HPS3: variants seen among roughly 807,000 people sequenced by gnomAD.
The protein encoded by HPS3 is BLOC-2 complex member HPS3.
In HPS3, 79 loss-of-function variants were observed where a neutral mutation model predicts 110.9. That is an observed-to-expected ratio of 0.71 (90% CI 0.59 to 0.86). The LOEUF (loss-of-function observed/expected upper bound fraction) is 0.86. Among genes scored for constraint, HPS3 ranks in the 40% least tolerant of loss-of-function variants. The pLI is 0.00. For missense variants in HPS3, 1,197 were observed against 1,206.2 expected (o/e 0.99, Z 0.11); for synonymous variants, 428 against 451.0 (o/e 0.95, Z 0.65).
intron 1 of HPS3, among the ~76,000 whole-genome samples, chr3:149,137,991 TA>T (rs999415323): frequency 2.2e-3 from 329 of 151,648 alleles, no homozygotes; most frequent in African/African-American, 7.7e-3. Flanking sequence ...CGTACTACAA[TA>T]AAAAAAATTT....
intron 11 of HPS3, among the ~76,000 whole-genome samples, chr3:149,161,508 CTTTT>C (rs1203449055): frequency 1.9e-5 from 2 of 104,328 alleles, no homozygotes; most frequent in Admixed American, 1.1e-4. Context: ...CCCCCACACC[CTTTT>C]TTTTTTTTTT....
At chr3:149,162,423 T>C (rs1309702821) in intron 12 of HPS3, 90 bp downstream of exon 12, 2 of 1,244,592 alleles carry the variant, frequency 1.6e-6, no homozygotes, top group Non-Finnish European at 2.3e-6. Flanking sequence ...GTTTTTCATT[T>C]GTTTGTTTAT....
chr3:149,170,573 G>A (rs372311104), intron 16 of HPS3: 2 of 152,256 alleles, frequency 1.3e-5, no homozygotes, highest in East Asian at 1.9e-4. Context: ...AAAGCCACTC[G>A]GTGAGTTGGT....
intron 1 of HPS3, among the ~76,000 whole-genome samples, chr3:149,139,268 A>G (rs572141579): frequency 6.6e-6 from 1 of 152,342 alleles, no homozygotes; most frequent in African/African-American, 2.4e-5. Context: ...AGATTGTTAA[A>G]TATATTTAAT....
At chr3:149,162,909 A>G (rs375727483) in intron 13 of HPS3, 31 bp downstream of exon 13, 8 of 1,533,700 alleles carry the variant, frequency 5.2e-6, no homozygotes, top group Non-Finnish European at 5.4e-6. Context: ...CTTAAATTTA[A>G]CTCATGCATT....
rs761789135 is a variant in HPS3, at chr3:149,162,297, C to T, written c.2256C>T (p.Asn752=). 4 of 1,613,878 alleles carry T rather than the reference C, an allele frequency of 2.5e-6. 1 individual carries two copies. The South Asian group carries it at 3.3e-5, about 13-fold the overall frequency. ...CAGTTCTGGGCTTGCAGAAGAACAACAAAATTGGAATTGAAGAAGCAGATT... is the reference window on the plus strand; with the variant it reads ...CAGTTCTGGGCTTGCAGAAGAACAATAAAATTGGAATTGAAGAAGCAGATT... ...VASVLGLQKN[N]KIGIEEADSF... Residue 752 remains asparagine (N), a synonymous_variant, in exon 12 of 17, where the codon AAC becomes AAT. Coordinates refer to ENST00000296051, the MANE Select transcript of HPS3 (RefSeq NM_032383.5).
intron 14 of HPS3, among the ~76,000 whole-genome samples, chr3:149,164,755 C>A (rs1724236690): frequency 6.6e-6 from 1 of 152,192 alleles, no homozygotes; most frequent in South Asian, 2.1e-4. Flanking sequence ...CGCAGCCCCT[C>A]CTTGGGCAGT....
At position 149,139,903 on chromosome 3, in the gene HPS3, C is replaced by T. The variant is rs114511587; in HGVS notation, c.218-101C>T. 11,491 of 1,115,348 alleles carry T rather than the reference C, an allele frequency of 0.01. 161 individuals are homozygous for T. The highest frequency in any genetic ancestry group is 0.057 in the African/African-American group (3,625 of 64,048). The allele number at this position is 1,115,348 out of a possible 1,614,324, so 69.1% of individuals were successfully genotyped here. ...GTTTTATTCTATTCAGTCTTTAATT[C>T]GACCATTTGTGTTAGAATTCATTAA... On this transcript the variant is annotated intron_variant, in intron 1 of 16. Transcript: ENST00000296051.
In HPS3 at chr3:149,141,460, G is replaced by T. The variant is rs1576667541; in HGVS notation, c.970+80G>T. 4 of 1,140,144 alleles carry T rather than the reference G, an allele frequency of 3.5e-6. No individual in the cohort carries two copies. The East Asian group carries it at 9.4e-5, about 27-fold the overall frequency. 70.6% of individuals were successfully genotyped at this position (1,140,144 alleles called of 1,614,324 possible). On this transcript the variant is annotated intron_variant, in intron 4 of 16. Transcript: ENST00000296051. ...TGGGCTGGGAGTGAAGACCCATGTG[G>T]GTAATAGGTTTGGTGGTTTGGTTCT... is the stretch of plus-strand genomic sequence containing the variant.
intron 4 of HPS3, among the ~76,000 whole-genome samples, chr3:149,145,069 C>T (rs11711029): frequency 1.3e-5 from 2 of 151,834 alleles, no homozygotes; most frequent in Admixed American, 6.6e-5. Flanking sequence ...ATTTTGAAAC[C>T]CAAGTAGTGT....
chr3:149,155,485 C>T (rs1232448738), intron 8 of HPS3, among the ~76,000 whole-genome samples: 1 of 152,116 alleles, frequency 6.6e-6, no homozygotes, highest in African/African-American at 2.4e-5. Flanking sequence ...TGAACATAGT[C>T]TTTGACCTTA....
chr3:149,129,865 G>C lies in HPS3; in HGVS notation c.142G>C (p.Gly48Arg), dbSNP rs748116102. 12 of 1,598,266 alleles carry C rather than the reference G, an allele frequency of 7.5e-6. No individual in the cohort carries two copies. Among genetic ancestry groups the C allele is most frequent in the Non-Finnish European group, 1.0e-5 (12 of 1,177,090 alleles). ...GCKVEAFAVA[G>R]QELCQPRCAF... is the part of the protein sequence containing the mutation. Reference sequence around the variant, plus strand: ...CAAGGTGGAGGCGTTCGCGGTGGCCGGCCAGGAGCTGTGCCAGCCGCGGTG... The same window carrying C: ...CAAGGTGGAGGCGTTCGCGGTGGCCCGCCAGGAGCTGTGCCAGCCGCGGTG... Residue 48 changes from glycine (G) to arginine (R), a missense_variant, in exon 1 of 17, where the codon GGC becomes CGC. Coordinates refer to ENST00000296051, the MANE Select transcript of HPS3 (RefSeq NM_032383.5).
chr3:149,131,478 G>A (rs1721776541), intron 1 of HPS3, among the ~76,000 whole-genome samples: 1 of 152,100 alleles, frequency 6.6e-6, no homozygotes, highest in Admixed American at 6.5e-5. Flanking sequence ...ATCTATTACG[G>A]TGATCAGCAA....
chr3:149,151,947 T>C (rs1723156553), intron 6 of HPS3, among the ~76,000 whole-genome samples: 1 of 152,210 alleles, frequency 6.6e-6, no homozygotes, highest in African/African-American at 2.4e-5. Context: ...TGAGATACTC[T>C]TTCACGGTCA....
At chr3:149,146,872 A>G (rs1382086980) in intron 5 of HPS3, among the ~76,000 whole-genome samples, 1 of 152,236 alleles carries the variant, frequency 6.6e-6, no homozygotes, top group Non-Finnish European at 1.5e-5. Flanking sequence ...TGAAAATTAA[A>G]CTAAGGACTT....
rs758702255 is a variant in HPS3, at chr3:149,140,590, C to T, written c.712+92C>T. Reference sequence around the variant, plus strand: ...GAAGGTCTGTGGTATATATGGTGCCCGGCCATGTTATTTATAGATTTAGTT... The same window carrying T: ...GAAGGTCTGTGGTATATATGGTGCCTGGCCATGTTATTTATAGATTTAGTT... On this transcript the variant is annotated intron_variant, in intron 2 of 16. Coordinates refer to ENST00000296051, the MANE Select transcript of HPS3 (RefSeq NM_032383.5). The T allele has an allele frequency of 2.6e-5, 35 of 1,341,724 alleles. No homozygotes were observed. The Middle Eastern group carries it at 7.3e-4, about 28-fold the overall frequency. The allele number at this position is 1,341,724 out of a possible 1,614,324, so 83.1% of individuals were successfully genotyped here.
At chr3:149,157,671 G>A in intron 9 of HPS3, 140 bp downstream of exon 9, 2 of 794,332 alleles carry the variant, frequency 2.5e-6, no homozygotes, top group Non-Finnish European at 4.2e-6. Flanking sequence ...CATTTGTTGA[G>A]CACATACTCT....
At chr3:149,166,450 A>G (rs1311129783) in intron 14 of HPS3, among the ~76,000 whole-genome samples, 9 of 152,192 alleles carry the variant, frequency 5.9e-5, no homozygotes, top group African/African-American at 2.2e-4. Flanking sequence ...GTATTTCTGT[A>G]TGTGCATTTA....
At chr3:149,137,211 A>G (rs988368723) in intron 1 of HPS3, among the ~76,000 whole-genome samples, 1 of 152,206 alleles carries the variant, frequency 6.6e-6, no homozygotes, top group Admixed American at 6.5e-5. Flanking sequence ...ACGGCAAAAA[A>G]CATAAGAAAA....
Sources: gnomAD v4.1 joint callset for allele counts (sites outside exome capture counted in the v4.1 genomes callset) on GRCh38, gnomAD v4.1.1 for gene constraint, MANE v1.5 for transcripts, NCBI Gene and HGNC (gene_info 2026-07-23, HGNC 2026-07-21) for gene names.